ZNF674: variants seen among roughly 807,000 people sequenced by gnomAD.
The protein encoded by ZNF674 is zinc finger family member 674.
ZNF674 carries 2 observed loss-of-function variants against 7.0 expected under a neutral mutation model. That is an observed-to-expected ratio of 0.29 (90% CI 0.12 to 0.90). The LOEUF (loss-of-function observed/expected upper bound fraction) is 0.90. Among genes scored for constraint, ZNF674 ranks in the 40% least tolerant of loss-of-function variants. The pLI is 0.57. For missense variants in ZNF674, 297 were observed against 415.5 expected, an observed-to-expected ratio of 0.71 and a Z score of 2.48; for synonymous variants, 103 against 145.2, an observed-to-expected ratio of 0.71 and a Z score of 2.09.
intron 3 of ZNF674, among the ~76,000 whole-genome samples, chrX:46,540,775 A>G (rs1963683): frequency 0.27 from 30,302 of 110,945 alleles, 3,155 homozygotes; most frequent in Middle Eastern, 0.36. Context: ...ATAGTAAAAA[A>G]AAATTAGGCC....
intron 5 of ZNF674, among the ~76,000 whole-genome samples, chrX:46,514,723 A>C (rs1237624651): frequency 8.9e-6 from 1 of 112,025 alleles, no homozygotes; most frequent in Admixed American, 9.5e-5. Flanking sequence ...TTTTTTGCCC[A>C]TTGTATCTCC....
intron 5 of ZNF674, among the ~76,000 whole-genome samples, chrX:46,526,996 G>A (rs375135756): frequency 7.0e-4 from 79 of 112,253 alleles, no homozygotes; most frequent in African/African-American, 2.5e-3. Flanking sequence ...GCTGGGCACA[G>A]TGGCTCACAC....
intron 5 of ZNF674, among the ~76,000 whole-genome samples, chrX:46,503,238 C>T (rs1602044987): frequency 8.9e-6 from 1 of 111,945 alleles, no homozygotes. Context: ...TTCTCTGTCC[C>T]GAGACAAGCT....
chrX:46,528,646 A>G (rs961797833), intron 4 of ZNF674, 137 bp downstream of exon 4: 38 of 1,102,910 alleles, frequency 3.4e-5, no homozygotes, highest in Non-Finnish European at 4.4e-5. Flanking sequence ...TACAAATACT[A>G]CACAGTGGGC....
At chrX:46,542,511 C>T (rs1425912661) in intron 2 of ZNF674, among the ~76,000 whole-genome samples, 1 of 111,405 alleles carries the variant, frequency 9.0e-6, no homozygotes, top group African/African-American at 3.3e-5. Flanking sequence ...GAGTTCAAGA[C>T]CAGCCTAGAC....
intron 5 of ZNF674, among the ~76,000 whole-genome samples, chrX:46,513,136 A>C (rs781115661): frequency 1.9e-5 from 2 of 107,635 alleles, no homozygotes; most frequent in Admixed American, 2.0e-4. Flanking sequence ...GGTGGCACAC[A>C]CCTGTAGTCT....
At chrX:46,529,020 T>C (rs1028900915) in intron 3 of ZNF674, 111 bp from the exon 4 acceptor site, 2 of 1,175,672 alleles carry the variant, frequency 1.7e-6, no homozygotes, top group East Asian at 6.0e-5. Context: ...CCTTTACATG[T>C]ACTAAAGATT....
chrX:46,501,151 A>T lies in ZNF674; in HGVS notation c.423T>A (p.Tyr141Ter). The T allele has an allele frequency of 8.3e-7, 1 of 1,206,537 alleles. No individual in the cohort carries two copies. The highest frequency in any genetic ancestry group is 1.1e-6 in the Non-Finnish European group (1 of 892,550). Residue 141 changes from tyrosine (Y) to a stop codon, truncating the protein, a stop_gained, in exon 6 of 6, where the codon TAT (tyrosine) becomes TAA (stop). Coordinates refer to ENST00000683375, the MANE Select transcript of ZNF674 (RefSeq NM_001190417.2). LOFTEE classifies it low-confidence loss of function (END_TRUNC). Reference protein sequence around the residue: ...FVSVKQRLPKYYSWERCSKHH... With the variant: ...FVSVKQRLPK ...GTTTTGAACACCTTTCCCATGAATA[A>T]TATTTAGGGAGTCTTTGTTTTACAG...
rs1941419048 is a variant in ZNF674 at position 46,501,111 on chromosome X, G to A, written c.463C>T (p.Leu155Phe). Reference sequence around the variant, plus strand: ...CTTACATAGCTTCTATTTTGACCAAGAAAGTTTAAATGATGTTTTGAACAC... The same window carrying A: ...CTTACATAGCTTCTATTTTGACCAAAAAAGTTTAAATGATGTTTTGAACAC... ...ERCSKHHLNF[L>F]GQNRSYVRKK... is the part of the protein sequence containing the mutation. The change falls in exon 6 of 6, where the codon CTT becomes TTT. Residue 155 changes from leucine (L) to phenylalanine (F), a missense_variant. By Grantham distance (22) the Leu-to-Phe change is conservative. Coordinates refer to ENST00000683375, the MANE Select transcript of ZNF674 (RefSeq NM_001190417.2). The A allele has an allele frequency of 1.7e-6, 2 of 1,206,430 alleles. No homozygotes were observed. The highest frequency in any genetic ancestry group is 4.4e-5 in the Admixed American group (2 of 45,306).
chrX:46,522,174 T>C (rs1376469900), intron 5 of ZNF674, among the ~76,000 whole-genome samples: 1 of 104,777 alleles, frequency 9.5e-6, no homozygotes, highest in Non-Finnish European at 2.0e-5. Context: ...GGAGGGAGCA[T>C]CTACAAATGT....
intron 5 of ZNF674, among the ~76,000 whole-genome samples, chrX:46,518,841 G>A (rs530689182): frequency 1.9e-5 from 2 of 107,767 alleles, no homozygotes; most frequent in Admixed American, 2.0e-4. Context: ...AGCTGAGATC[G>A]CATCACGCCA....
At position 46,497,880 on chromosome X, in the gene ZNF674, TAA is replaced by T. The variant is rs1941353265; in HGVS notation, c.*1961_*1962del. ...TCCCTCCACACTACACAGATATACC[TAA>T]CTTTTTGTTCCATGTGTTTATCTAT... is the stretch of plus-strand genomic sequence containing the variant. On this transcript the variant is annotated 3_prime_UTR_variant, in exon 6 of 6. Transcript: ENST00000683375. The T allele has an allele frequency of 9.5e-6, 1 of 104,939 alleles. No individual in the cohort carries two copies. Among genetic ancestry groups the T allele is most frequent in the Non-Finnish European group, 2.0e-5 (1 of 49,619 alleles). 8.6% of individuals were successfully genotyped at this position (104,939 alleles called of 1,213,427 possible).
At chrX:46,512,445 C>A (rs1332751403) in intron 5 of ZNF674, among the ~76,000 whole-genome samples, 9 of 109,381 alleles carry the variant, frequency 8.2e-5, no homozygotes, top group African/African-American at 3.0e-4. Context: ...TGTGCTCAGC[C>A]CCCCAAAAAA....
At chrX:46,507,843 G>T (rs1449651953) in intron 5 of ZNF674, among the ~76,000 whole-genome samples, 3 of 111,569 alleles carry the variant, frequency 2.7e-5, no homozygotes, top group Non-Finnish European at 3.8e-5. Flanking sequence ...ATAAAGAATA[G>T]TAATACCAAA....
intron 3 of ZNF674, among the ~76,000 whole-genome samples, chrX:46,537,021 A>G (rs188918823): frequency 2.4e-3 from 274 of 112,190 alleles, no homozygotes; most frequent in Middle Eastern, 9.2e-3. Context: ...CTGTAATCCT[A>G]GGACTTTGGG....
intron 5 of ZNF674, among the ~76,000 whole-genome samples, chrX:46,513,698 A>G (rs1488751796): frequency 5.4e-5 from 6 of 111,830 alleles, no homozygotes; most frequent in African/African-American, 1.9e-4. Flanking sequence ...CCCAGTCCGC[A>G]GGCCTTTACG....
intron 5 of ZNF674, among the ~76,000 whole-genome samples, chrX:46,519,022 G>A (rs956732412): frequency 9.3e-6 from 1 of 107,482 alleles, no homozygotes; most frequent in African/African-American, 3.4e-5. Context: ...GACCAATATG[G>A]TGAAACCTCG....
intron 5 of ZNF674, among the ~76,000 whole-genome samples, chrX:46,502,179 G>A (rs1444141165): frequency 9.2e-6 from 1 of 108,855 alleles, no homozygotes; most frequent in East Asian, 2.9e-4. Flanking sequence ...GGTGGCAGGT[G>A]CCTGTAATCC....
intron 5 of ZNF674, among the ~76,000 whole-genome samples, chrX:46,510,396 T>C (rs1421404351): frequency 8.9e-6 from 1 of 112,049 alleles, no homozygotes; most frequent in Non-Finnish European, 1.9e-5. Context: ...ATTCACGTAA[T>C]CTACCACATT....
Sources: allele counts gnomAD v4.1 joint callset (sites outside exome capture counted in the v4.1 genomes callset), GRCh38; gene constraint gnomAD v4.1.1; transcripts MANE v1.5; gene names NCBI Gene and HGNC (gene_info 2026-07-23, HGNC 2026-07-21).